The following ST3GAL5 variants were observed in gnomAD, a reference collection of about 807,000 sequenced individuals.
ST3GAL5 encodes lactosylceramide alpha-2,3-sialyltransferase.
A neutral mutation model predicts 46.1 loss-of-function variants in ST3GAL5; 25 were observed. The ratio of observed to expected loss-of-function variants is 0.54; its 90% CI spans 0.40 to 0.76. The LOEUF (loss-of-function observed/expected upper bound fraction) is 0.76, where lower values mean the gene tolerates loss of function less well. ST3GAL5 is among the 30% of genes least tolerant of loss of function. The pLI, the probability that ST3GAL5 is intolerant of heterozygous loss-of-function variation, is 0.00. For synonymous variants in ST3GAL5, 182 were observed against 192.7 expected (o/e 0.94, Z 0.46); for missense variants, 431 against 521.2 (o/e 0.83, Z 1.69).
In ST3GAL5 at chr2:85,844,776, GA is replaced by G. The variant is rs575393082; in HGVS notation, c.850-223del. On this transcript the variant is annotated intron_variant, in intron 5 of 6. Transcript: ENST00000638572. Reference sequence around the variant, plus strand: ...CTTCACACAGGCGGCACTGGACAAAGAGATGAATTGCAGAACCAGCTTGTAT... The same window carrying G: ...CTTCACACAGGCGGCACTGGACAAAGGATGAATTGCAGAACCAGCTTGTAT... The G allele has an allele frequency of 3.8e-4, 230 of 599,978 alleles. 1 individual carries two copies. The highest frequency in any genetic ancestry group is 3.7e-3 in the African/African-American group (201 of 54,118). The allele number at this position is 599,978 out of a possible 1,614,324, so 37.2% of individuals were successfully genotyped here. A position where few individuals can be genotyped will look rare whatever the true frequency, so the allele number is the denominator to read the frequency against.
At chr2:85,863,632 C>A in intron 1 of ST3GAL5, 147 bp from the exon 2 acceptor site, 1 of 877,280 alleles carries the variant, frequency 1.1e-6, no homozygotes, top group Non-Finnish European at 1.8e-6. Context: ...TTGTTACATG[C>A]AACAAAGTGG....
intron 1 of ST3GAL5, among the ~76,000 whole-genome samples, chr2:85,877,178 A>G (rs1476648028): frequency 1.3e-5 from 2 of 152,236 alleles, no homozygotes; most frequent in Non-Finnish European, 2.9e-5. Flanking sequence ...CAGCATAATC[A>G]TAATTAGGAA....
intron 6 of ST3GAL5, 119 bp from the exon 7 acceptor site, chr2:85,840,511 T>A: frequency 1.9e-6 from 2 of 1,043,826 alleles, no homozygotes; most frequent in East Asian, 2.6e-5. Flanking sequence ...TGCAATTTCA[T>A]ACATCACATA....
chr2:85,883,626 T>C (rs1279255657), intron 1 of ST3GAL5, among the ~76,000 whole-genome samples: 1 of 152,120 alleles, frequency 6.6e-6, no homozygotes, highest in Non-Finnish European at 1.5e-5. Context: ...GATGGCAGAA[T>C]GTCAAGTGCA....
In ST3GAL5 at chr2:85,840,104, T is replaced by C. The variant is rs551280238; in HGVS notation, c.*40A>G. Reference sequence around the variant, plus strand: ...TCAAGAAGGCTGTCAAAAACAGCTCTCAGAGTTAGAGTTGCATTTTCAACT... The same window carrying C: ...TCAAGAAGGCTGTCAAAAACAGCTCCCAGAGTTAGAGTTGCATTTTCAACT... On this transcript the variant is annotated 3_prime_UTR_variant, in exon 7 of 7. Transcript: ENST00000638572. 1 of 1,614,160 alleles carries C rather than the reference T, an allele frequency of 6.2e-7. No individual in the cohort carries two copies. Among genetic ancestry groups the C allele is most frequent in the East Asian group, 2.2e-5 (1 of 44,892 alleles).
chr2:85,874,800 A>T (rs1227410221), intron 1 of ST3GAL5, among the ~76,000 whole-genome samples: 2 of 151,258 alleles, frequency 1.3e-5, no homozygotes, highest in Admixed American at 6.6e-5. Context: ...GTGGCCTGCA[A>T]CTAGATCCCC....
In ST3GAL5 at chr2:85,888,831, G is replaced by C; in HGVS notation, c.75C>G (p.Ala25=). 1 of 1,271,788 alleles carries C rather than the reference G, an allele frequency of 7.9e-7. No individual in the cohort carries two copies. The allele number at this position is 1,271,788 out of a possible 1,614,324, so 78.8% of individuals were successfully genotyped here. Residue 25 remains alanine (A), a synonymous_variant, in exon 1 of 7, where the codon GCC becomes GCG. Transcript: ENST00000638572. ...GGGGGCTGCGCCACGTACCTCGGCCGGCAGGTGCCGCCGCTGCCTCGGTCC... is the reference window on the plus strand; with the variant it reads ...GGGGGCTGCGCCACGTACCTCGGCCCGCAGGTGCCGCCGCTGCCTCGGTCC... The part of the protein sequence containing the change: ...QPRTEAAAAP[A]GRAMPSEYTY...
intron 3 of ST3GAL5, among the ~76,000 whole-genome samples, chr2:85,859,845 T>C (rs572335242): frequency 7.9e-5 from 12 of 152,378 alleles, no homozygotes; most frequent in African/African-American, 2.6e-4. Context: ...TCAAGTCACC[T>C]GCCTAGGGTT....
At chr2:85,843,187 T>C (rs1314944855) in intron 6 of ST3GAL5, among the ~76,000 whole-genome samples, 1 of 152,236 alleles carries the variant, frequency 6.6e-6, no homozygotes. Flanking sequence ...ATAATGAACA[T>C]TTAGGCTGTT....
In ST3GAL5 at chr2:85,861,191, T is replaced by G; in HGVS notation, c.308A>C (p.Asp103Ala). The G allele has an allele frequency of 1.2e-6, 2 of 1,603,814 alleles. No individual in the cohort carries two copies. Among genetic ancestry groups the G allele is most frequent in the Non-Finnish European group, 1.7e-6 (2 of 1,171,070 alleles). Residue 103 changes from aspartate to alanine, a missense_variant, in exon 3 of 7, where the codon GAC becomes GCC. Asp to Ala is a moderately radical substitution (Grantham distance 126, BLOSUM62 -2). Coordinates refer to ENST00000638572, the MANE Select transcript of ST3GAL5 (RefSeq NM_003896.4). ...AATGGGATATCTAACCTTTACATGG[T>G]CAGGGTCCACATAATGCATTTTTTT... ...DMKKMHYVDP[D>A]HVKRAQKYAQ...
At chr2:85,840,439 C>A in intron 6 of ST3GAL5, 47 bp from the exon 7 acceptor site, 1 of 1,606,002 alleles carries the variant, frequency 6.2e-7, no homozygotes, top group Non-Finnish European at 8.5e-7. Context: ...AATTTTGGCA[C>A]AAGTCACCAT....
rs571633810 is a variant in ST3GAL5 at position 85,840,037 on chromosome 2, C to T, written c.*107G>A. 146 of 1,532,752 alleles carry T rather than the reference C, an allele frequency of 9.5e-5. No homozygotes were observed. In the African/African-American group the frequency reaches 1.9e-3, roughly 20 times the overall value. 94.9% of individuals were successfully genotyped at this position (1,532,752 alleles called of 1,614,324 possible). ...GTGTTTTTAAATTAAAAGTTAAAAA[C>T]ATGAGCTGCACTTCAAAGTATCTGC... On this transcript the variant is annotated 3_prime_UTR_variant, in exon 7 of 7. Transcript: ENST00000638572.
intron 4 of ST3GAL5, 85 bp downstream of exon 4, chr2:85,847,775 AC>A (rs1180962158): frequency 3.8e-5 from 58 of 1,508,008 alleles, no homozygotes; most frequent in Middle Eastern, 2.2e-4. Flanking sequence ...AGCCTGGACA[AC>A]AGGAGTGAGA....
intron 6 of ST3GAL5, 136 bp from the exon 7 acceptor site, chr2:85,840,528 T>C (rs1681902950): frequency 4.3e-6 from 4 of 926,082 alleles, no homozygotes; most frequent in Admixed American, 2.1e-5. Flanking sequence ...CATAATTTTA[T>C]ACATCATGAA....
At chr2:85,886,167 G>A (rs898880208) in intron 1 of ST3GAL5, among the ~76,000 whole-genome samples, 1 of 152,226 alleles carries the variant, frequency 6.6e-6, no homozygotes, top group Non-Finnish European at 1.5e-5. Flanking sequence ...AATTGCTCAC[G>A]CCTGTAATCT....
At chr2:85,877,988 A>G (rs1305663429) in intron 1 of ST3GAL5, among the ~76,000 whole-genome samples, 1 of 152,210 alleles carries the variant, frequency 6.6e-6, no homozygotes, top group Non-Finnish European at 1.5e-5. Flanking sequence ...TAGCCCTTCA[A>G]TTCACAAAGT....
rs1681612789 is a variant in ST3GAL5, at chr2:85,837,621, A to G, written c.*2523T>C. 1 of 152,230 alleles carries G rather than the reference A, an allele frequency of 6.6e-6. No homozygotes were observed. Among genetic ancestry groups the G allele is most frequent in the South Asian group, 2.1e-4 (1 of 4,832 alleles). The allele number at this position is 152,230 out of a possible 1,614,324, so 9.4% of individuals were successfully genotyped here. A position where few individuals can be genotyped will look rare whatever the true frequency, so the allele number is the denominator to read the frequency against. The stretch of plus-strand genomic sequence containing the variant: ...AAGACAAATATTTAATGTGACAGAT[A>G]TCCCAGTTACACAGATTTGCTCCTT... On this transcript the variant is annotated 3_prime_UTR_variant, in exon 7 of 7. Transcript: ENST00000638572.
At chr2:85,873,751 G>A (rs1686205893) in intron 1 of ST3GAL5, among the ~76,000 whole-genome samples, 1 of 152,194 alleles carries the variant, frequency 6.6e-6, no homozygotes, top group Non-Finnish European at 1.5e-5. Flanking sequence ...GACGCCCCAG[G>A]AGGGACCTTA....
intron 6 of ST3GAL5, among the ~76,000 whole-genome samples, chr2:85,841,854 T>A (rs902684694): frequency 5.3e-5 from 8 of 152,216 alleles, no homozygotes; most frequent in Middle Eastern, 6.8e-3. Flanking sequence ...GTAAAAACAG[T>A]ACACAGGACA....
Sources: gnomAD v4.1 joint callset for allele counts (sites outside exome capture counted in the v4.1 genomes callset) on GRCh38, gnomAD v4.1.1 for gene constraint, MANE v1.5 for transcripts, NCBI Gene and HGNC (gene_info 2026-07-23, HGNC 2026-07-21) for gene names.